UNC13C: variants seen among roughly 807,000 people sequenced by gnomAD.
UNC13C encodes unc-13 homolog C.
Under a neutral mutation model 245.4 loss-of-function variants are expected in UNC13C, and 174 were observed. The ratio of observed to expected loss-of-function variants is 0.71; its 90% CI spans 0.63 to 0.80. The LOEUF (loss-of-function observed/expected upper bound fraction) is 0.80. Among genes scored for constraint, UNC13C ranks in the 30% least tolerant of loss-of-function variants. The pLI is 0.00. For missense variants in UNC13C, 2,829 were observed against 2,602.9 expected, an observed-to-expected ratio of 1.09 and a Z score of -1.89; for synonymous variants, 992 against 895.1, an observed-to-expected ratio of 1.11 and a Z score of -1.93.
In UNC13C at chr15:54,015,697, G is replaced by A; in HGVS notation, c.2794G>A (p.Glu932Lys). 6.2e-7 allele frequency: 1 copy of A among 1,613,734 alleles called. No homozygotes were observed. Among genetic ancestry groups the A allele is most frequent in the Admixed American group, 1.7e-5 (1 of 59,962 alleles). Residue 932 changes from glutamate (E) to lysine (K), a missense_variant, in exon 2 of 33, where the codon GAA becomes AAA. By Grantham distance (56) the Glu-to-Lys change is moderately conservative (BLOSUM62 1). Transcript: ENST00000260323. ...TGGTCCAGCAGATGATATGGTTAGT[G>A]AAGAGGGGTTAGAACCCTTAAATGA... ...YDGPADDMVSEEGLEPLNETS... is the reference protein window; with the variant it reads ...YDGPADDMVSKEGLEPLNETS...
At chr15:54,321,618 T>G (rs1358513731) in intron 13 of UNC13C, 1 of 364,092 alleles carries the variant, frequency 2.7e-6, no homozygotes, top group Non-Finnish European at 5.1e-6. Flanking sequence ...AACCCTCTGA[T>G]GCAGAGCTTC....
intron 13 of UNC13C, among the ~76,000 whole-genome samples, chr15:54,314,561 C>A (rs1428396462): frequency 6.6e-6 from 1 of 151,466 alleles, no homozygotes; most frequent in Non-Finnish European, 1.5e-5. Context: ...GAGAGAGAAC[C>A]TTACCTGCTC....
chr15:54,623,022 A>T (rs1283590868), intron 31 of UNC13C, among the ~76,000 whole-genome samples: 1 of 152,194 alleles, frequency 6.6e-6, no homozygotes, highest in Non-Finnish European at 1.5e-5. Context: ...AAATAGCTAT[A>T]TTTTAGAATA....
At chr15:54,626,322 C>T (rs1041584627) in intron 32 of UNC13C, among the ~76,000 whole-genome samples, 2 of 151,998 alleles carry the variant, frequency 1.3e-5, no homozygotes, top group Non-Finnish European at 2.9e-5. Context: ...GATTTGTATC[C>T]AATTTAGCAT....
At chr15:54,131,682 T>C (rs2031424234) in intron 2 of UNC13C, among the ~76,000 whole-genome samples, 2 of 152,214 alleles carry the variant, frequency 1.3e-5, no homozygotes, top group Admixed American at 6.5e-5. Context: ...GTGCTATCCT[T>C]GGTTCTAGTC....
the UNC13C span, among the ~76,000 whole-genome samples, chr15:53,890,050 G>A: frequency 1.3e-5 from 2 of 151,958 alleles, no homozygotes; most frequent in Non-Finnish European, 2.9e-5. Flanking sequence ...TTTGGTATCA[G>A]GATGATGCTG....
At chr15:54,463,206 C>G (rs900917890) in intron 19 of UNC13C, among the ~76,000 whole-genome samples, 2 of 133,420 alleles carry the variant, frequency 1.5e-5, no homozygotes, top group Non-Finnish European at 3.1e-5. Context: ...GGCCAATCAG[C>G]TCTCAGTAAA....
In UNC13C at chr15:54,053,075, C is replaced by T. The variant is rs906859984; in HGVS notation, c.2983+37189C>T. 4.6e-5 allele frequency among the ~76,000 whole-genome samples: 7 copies of T among 152,330 alleles called. No individual in the cohort carries two copies. The South Asian group carries it at 1.2e-3, about 27-fold the overall frequency. ...GTGGCAGTGGTGTGATCTCGACCCA[C>T]TGCAACTTCTGCCATCCATGTTCAA... On this transcript the variant is annotated intron_variant, in intron 2 of 32. Transcript: ENST00000260323.
chr15:54,296,338 C>G (rs2037430192), intron 11 of UNC13C, among the ~76,000 whole-genome samples: 1 of 151,188 alleles, frequency 6.6e-6, no homozygotes, highest in African/African-American at 2.4e-5. Flanking sequence ...GTAGCTGGGA[C>G]TACAGGCGCC....
chr15:54,568,329 T>A (rs1596586081), intron 30 of UNC13C, among the ~76,000 whole-genome samples: 2 of 152,120 alleles, frequency 1.3e-5, no homozygotes, highest in Admixed American at 6.6e-5. Flanking sequence ...ATGATAATAA[T>A]TCCCTAAATC....
the UNC13C span, among the ~76,000 whole-genome samples, chr15:53,915,645 T>C: frequency 2.0e-5 from 3 of 152,234 alleles, no homozygotes; most frequent in Non-Finnish European, 4.4e-5. Flanking sequence ...TTAGTAAATA[T>C]TTTTAAAACA....
At chr15:53,992,003 C>T (rs1176234072) in intron 1 of UNC13C, among the ~76,000 whole-genome samples, 1 of 152,016 alleles carries the variant, frequency 6.6e-6, no homozygotes, top group African/African-American at 2.4e-5. Context: ...CACTCTAGTA[C>T]ATCTACTTCT....
intron 22 of UNC13C, among the ~76,000 whole-genome samples, chr15:54,504,940 G>A (rs1240666697): frequency 1.3e-5 from 2 of 152,158 alleles, no homozygotes; most frequent in African/African-American, 4.8e-5. Context: ...ACCAGTACCT[G>A]TGTGTCAAAT....
chr15:54,523,361 T>C (rs1596512877), intron 24 of UNC13C, among the ~76,000 whole-genome samples: 3 of 152,354 alleles, frequency 2.0e-5, no homozygotes, highest in African/African-American at 7.2e-5. Context: ...ATGTAAACGT[T>C]AAATACTTAA....
At chr15:54,400,207 G>C (rs978691372) in intron 18 of UNC13C, among the ~76,000 whole-genome samples, 1 of 151,782 alleles carries the variant, frequency 6.6e-6, no homozygotes, top group African/African-American at 2.4e-5. Context: ...GTAAGGCCCT[G>C]GTATTGTGTA....
chr15:54,089,499 G>C (rs1250754059), intron 2 of UNC13C, among the ~76,000 whole-genome samples: 1 of 152,148 alleles, frequency 6.6e-6, no homozygotes, highest in Non-Finnish European at 1.5e-5. Flanking sequence ...GGTTAGAGGA[G>C]AAAACCTGTG....
chr15:54,234,152 T>C (rs1436041166), intron 4 of UNC13C, among the ~76,000 whole-genome samples: 1 of 152,076 alleles, frequency 6.6e-6, no homozygotes, highest in African/African-American at 2.4e-5. Flanking sequence ...CAGAGGTAAC[T>C]ACAGTTATCA....
At chr15:54,179,334 G>C (rs74246481) in intron 4 of UNC13C, among the ~76,000 whole-genome samples, 27 of 152,118 alleles carry the variant, frequency 1.8e-4, no homozygotes, top group African/African-American at 5.3e-4. Context: ...AATGGATTTA[G>C]TCTGTATCTA....
chr15:54,423,082 GTATA>G (rs1235974221), intron 19 of UNC13C, among the ~76,000 whole-genome samples: 12 of 151,226 alleles, frequency 7.9e-5, no homozygotes, highest in African/African-American at 2.9e-4. Flanking sequence ...ATATATATCT[GTATA>G]TACATGAAGA....
Sources: gnomAD v4.1 joint callset for allele counts (sites outside exome capture counted in the v4.1 genomes callset) on GRCh38, gnomAD v4.1.1 for gene constraint, MANE v1.5 for transcripts, NCBI Gene and HGNC (gene_info 2026-07-23, HGNC 2026-07-21) for gene names.